FURIN: variants seen among roughly 807,000 people sequenced by gnomAD.
The protein encoded by FURIN is FES upstream region.
A neutral mutation model predicts 89.2 loss-of-function variants in FURIN; 18 were observed. The ratio of observed to expected loss-of-function variants is 0.20; its 90% confidence interval spans 0.14 to 0.30. The LOEUF (loss-of-function observed/expected upper bound fraction) is 0.30, where lower values mean the gene tolerates loss of function less well. FURIN is among the 10% of genes least tolerant of loss of function. The pLI, the probability that FURIN is intolerant of heterozygous loss-of-function variation, is 1.00. For missense variants in FURIN, 879 were observed against 1,100.5 expected (o/e 0.80, Z 2.85); for synonymous variants, 508 against 466.4 (o/e 1.09, Z -1.15).
intron 1 of FURIN, 40 bp from the exon 2 acceptor site, chr15:90,875,542 A>G: frequency 1.9e-6 from 1 of 512,908 alleles, no homozygotes; most frequent in Non-Finnish European, 3.4e-6. Flanking sequence ...CAGGGGAGGA[A>G]CTGACCCTCT....
intron 13 of FURIN, 71 bp downstream of exon 13, chr15:90,880,344 C>T (rs940643667): frequency 1.9e-5 from 24 of 1,290,632 alleles, no homozygotes; most frequent in South Asian, 6.8e-5. Flanking sequence ...TGCCTTTGCT[C>T]GCTCACACGG....
intron 1 of FURIN, among the ~76,000 whole-genome samples, chr15:90,869,086 A>G (rs922376195): frequency 6.6e-6 from 1 of 152,174 alleles, no homozygotes; most frequent in Non-Finnish European, 1.5e-5. Flanking sequence ...TCTCTGGATT[A>G]GCCCCAAATC....
At chr15:90,880,294 C>T (rs372874593) in intron 13 of FURIN, 21 bp downstream of exon 13, 49 of 1,576,684 alleles carry the variant, frequency 3.1e-5, no homozygotes, top group South Asian at 3.4e-5. Context: ...TGTCCCTGCC[C>T]GCCCTGCCCA....
In FURIN at chr15:90,881,933, C is replaced by G. The variant is rs1228105816; in HGVS notation, c.*55C>G. 2 of 1,240,582 alleles carry G rather than the reference C, an allele frequency of 1.6e-6. No individual in the cohort carries two copies. The highest frequency in any genetic ancestry group is 2.3e-6 in the Non-Finnish European group (2 of 875,364). 76.8% of individuals were successfully genotyped at this position (1,240,582 alleles called of 1,614,324 possible). On this transcript the variant is annotated 3_prime_UTR_variant, in exon 16 of 16. Coordinates refer to ENST00000268171, the MANE Select transcript of FURIN (RefSeq NM_002569.4). This position sits in a 1 kb window ranked among gnomAD's most constrained non-coding sequence, Gnocchi z 4.3. ...TCCCCTCCTTGGGCACTTTTTAATT[C>G]ACCAAAGTATTTTTTTATCTTGGGA... is the stretch of plus-strand genomic sequence containing the variant.
In FURIN at chr15:90,881,118, A is replaced by G; in HGVS notation, c.1792+78A>G. The G allele has an allele frequency of 8.1e-7, 1 of 1,234,446 alleles. No homozygotes were observed. The highest frequency in any genetic ancestry group is 1.2e-6 in the Non-Finnish European group (1 of 841,588). The allele number at this position is 1,234,446 out of a possible 1,614,324, so 76.5% of individuals were successfully genotyped here. Reference sequence around the variant, plus strand: ...GGTGCCTGTCCTGAAGCCCAGCTCTAACAGAAAAAAGTCTCAAGAGACCTA... The same window carrying G: ...GGTGCCTGTCCTGAAGCCCAGCTCTGACAGAAAAAAGTCTCAAGAGACCTA... On this transcript the variant is annotated intron_variant, in intron 15 of 15. Coordinates refer to ENST00000268171, the MANE Select transcript of FURIN (RefSeq NM_002569.4). The surrounding 1 kb of genome is among the most constrained non-coding windows in gnomAD (Gnocchi z 4.3).
chr15:90,877,645 C>T (rs755584059), intron 7 of FURIN, 30 bp downstream of exon 7: 12 of 1,449,990 alleles, frequency 8.3e-6, no homozygotes, highest in Non-Finnish European at 1.1e-5. Flanking sequence ...ACCCTGTCTT[C>T]AGGAGGGCCC....
chr15:90,876,194 C>T lies in FURIN; in HGVS notation c.178-61C>T, dbSNP rs1292141965. The T allele has an allele frequency of 5.4e-6, 6 of 1,119,506 alleles. No homozygotes were observed. The highest frequency in any genetic ancestry group is 1.8e-5 in the Admixed American group (1 of 56,936). The allele number at this position is 1,119,506 out of a possible 1,614,324, so 69.3% of individuals were successfully genotyped here. ...CCATGAAGCCGTTGTCCACCCCCGT[C>T]CCCCGCCTCCCGGGGACTGACAGAT... On this transcript the variant is annotated intron_variant, in intron 2 of 15. Coordinates refer to ENST00000268171, the MANE Select transcript of FURIN (RefSeq NM_002569.4). The surrounding 1 kb of genome is among the most constrained non-coding windows in gnomAD (Gnocchi z 5.0).
intron 1 of FURIN, chr15:90,872,858 C>G (rs1465982663): frequency 6.6e-6 from 1 of 152,302 alleles, no homozygotes; most frequent in Non-Finnish European, 1.5e-5. Flanking sequence ...TGTGTCAGAG[C>G]CAGACCCCCA....
At chr15:90,870,596 C>T (rs1179105183) in intron 1 of FURIN, among the ~76,000 whole-genome samples, 1 of 152,134 alleles carries the variant, frequency 6.6e-6, no homozygotes, top group Non-Finnish European at 1.5e-5. Context: ...TTGGAATAAC[C>T]CAGCCTGGGA....
Position 90,875,785 on chromosome 15 carries a change from A to T in FURIN, c.45A>T (p.Gly15=), listed in dbSNP as rs2031579415. Residue 15 remains glycine, a synonymous_variant, in exon 2 of 16, where the codon GGA becomes GGT. Transcript: ENST00000268171. ...TGCTATGGGTGGTAGCAGCAACAGG[A>T]ACCTTGGTCCTGCTAGCAGCTGATG... ...PWLLWVVAAT[G]TLVLLAADAQ... is the part of the protein sequence containing the mutation. 1 of 1,557,466 alleles carries T rather than the reference A, an allele frequency of 6.4e-7. No individual in the cohort carries two copies. The highest frequency in any genetic ancestry group is 1.4e-5 in the African/African-American group (1 of 73,836).
At chr15:90,877,277 G>A in intron 6 of FURIN, 66 bp downstream of exon 6, 1 of 1,321,314 alleles carries the variant, frequency 7.6e-7, no homozygotes, top group African/African-American at 1.5e-5. Flanking sequence ...ACAGGGCTGA[G>A]CCTGGGTGAG....
At chr15:90,880,058 G>C (rs1354470133) in intron 12 of FURIN, 36 bp from the exon 13 acceptor site, 2 of 1,604,750 alleles carry the variant, frequency 1.2e-6, no homozygotes, top group Non-Finnish European at 1.7e-6. Flanking sequence ...TGGTCCCTCT[G>C]GGCCAGGCTG....
At chr15:90,870,489 C>T (rs986140198) in intron 1 of FURIN, among the ~76,000 whole-genome samples, 2 of 151,856 alleles carry the variant, frequency 1.3e-5, no homozygotes, top group Non-Finnish European at 2.9e-5. Flanking sequence ...TTTCCCATTA[C>T]CCGGGAACCT....
Position 90,876,847 on chromosome 15 carries a change from T to C in FURIN, c.373-49T>C. 6.2e-7 allele frequency: 1 copy of C among 1,603,018 alleles called. No individual in the cohort carries two copies. Among genetic ancestry groups the C allele is most frequent in the Non-Finnish European group, 8.5e-7 (1 of 1,170,974 alleles). ...GGGATTCTTCAAGATGCTCCTAGCC[T>C]CACAAAACCAATCATGTCTCATAAG... On this transcript the variant is annotated intron_variant, in intron 4 of 15. Transcript: ENST00000268171. The surrounding 1 kb of genome is among the most constrained non-coding windows in gnomAD (Gnocchi z 5.0).
intron 9 of FURIN, 34 bp downstream of exon 9, chr15:90,879,010 T>C: frequency 3.4e-6 from 4 of 1,185,588 alleles, no homozygotes; most frequent in African/African-American, 1.5e-5. Context: ...GCTGGGGAGA[T>C]GGGGCTGCTG....
intron 1 of FURIN, chr15:90,873,155 TTCTTAC>T (rs2031411364): frequency 6.6e-6 from 1 of 152,138 alleles, no homozygotes. Context: ...TTGTTTTCAG[TTCTTAC>T]TCTTTTCGGG....
chr15:90,876,513 T>G lies in FURIN; in HGVS notation c.328T>G (p.Tyr110Asp), dbSNP rs750784707. 6.2e-7 allele frequency: 1 copy of G among 1,614,068 alleles called. No individual in the cohort carries two copies. Among genetic ancestry groups the G allele is most frequent in the Non-Finnish European group, 8.5e-7 (1 of 1,179,944 alleles). ...AAAGCGACGGACTAAACGGGACGTG[T>G]ACCAGGAGCCCACAGACCCCAAGTT... ...VAKRRTKRDV[Y>D]QEPTDPKFPQ... The change falls in exon 4 of 16, where the codon TAC becomes GAC. Residue 110 changes from tyrosine to aspartate, a missense_variant. Physicochemically the swap from Tyr to Asp is radical, Grantham distance 160 (BLOSUM62 -3). Around this residue, in one of 5 missense-constraint regions of FURIN, gnomAD observed 139 missense variants for 215.0 expected, o/e 0.65. Coordinates refer to ENST00000268171, the MANE Select transcript of FURIN (RefSeq NM_002569.4). The surrounding 1 kb of genome is among the most constrained non-coding windows in gnomAD (Gnocchi z 5.0).
rs889116289 is a variant in FURIN, at chr15:90,876,636, C to T, written c.372+79C>T. The T allele has an allele frequency of 1.2e-5, 12 of 1,002,830 alleles. No homozygotes were observed. The African/African-American group carries it at 1.9e-4, about 16-fold the overall frequency. The allele number at this position is 1,002,830 out of a possible 1,614,324, so 62.1% of individuals were successfully genotyped here. A position where few individuals can be genotyped will look rare whatever the true frequency, so the allele number is the denominator to read the frequency against. ...ACTATGAGCTCTTGGATGGAGGAGG[C>T]TGTCTTCGAGGCCTCCTCTGATTCG... is the stretch of plus-strand genomic sequence containing the variant. On this transcript the variant is annotated intron_variant, in intron 4 of 15. Coordinates refer to ENST00000268171, the MANE Select transcript of FURIN (RefSeq NM_002569.4). This position sits in a 1 kb window ranked among gnomAD's most constrained non-coding sequence, Gnocchi z 5.0.
chr15:90,880,371 T>A, intron 13 of FURIN, 98 bp downstream of exon 13: 3 of 984,308 alleles, frequency 3.0e-6, no homozygotes, highest in Non-Finnish European at 4.4e-6. Context: ...GGGCACTGAG[T>A]GCTACTCAGT....
Sources: gnomAD v4.1 joint callset for allele counts (sites outside exome capture counted in the v4.1 genomes callset) on GRCh38, gnomAD v4.1.1 for gene constraint, gnomAD v4.1.1 regional missense constraint, Gnocchi (gnomAD v3.1) non-coding constraint, MANE v1.5 for transcripts, NCBI Gene and HGNC (gene_info 2026-07-23, HGNC 2026-07-21) for gene names.